Variants in KCNC2 observed in about 807,000 individuals in gnomAD.
KCNC2 encodes voltage-gated potassium channel KCNC2.
KCNC2 carries 21 observed loss-of-function variants against 44.5 expected under a neutral mutation model. That is an observed-to-expected ratio of 0.47 (90% confidence interval 0.33 to 0.68). The LOEUF is 0.68. KCNC2 is among the 30% of genes least tolerant of loss of function. The pLI, the probability that KCNC2 is intolerant of heterozygous loss-of-function variation, is 0.01. For synonymous variants in KCNC2, 391 were observed against 339.1 expected (o/e 1.15, Z -1.68); for missense variants, 589 against 826.2 (o/e 0.71, Z 3.52).
chr12:75,157,072 T>C (rs753512048), intron 2 of KCNC2, among the ~76,000 whole-genome samples: 1 of 151,884 alleles, frequency 6.6e-6, no homozygotes, highest in Non-Finnish European at 1.5e-5. Context: ...TTACAAATAG[T>C]CATTCTCCCT....
Position 75,207,790 on chromosome 12 carries a change from G to A in KCNC2, c.194C>T (p.Pro65Leu). Residue 65 changes from proline to leucine, a missense_variant, in exon 2 of 5, where the codon CCG becomes CTG. Physicochemically the swap from Pro to Leu is moderately conservative, Grantham distance 98. Transcript: ENST00000549446. The surrounding 1 kb of genome is among the most constrained non-coding windows in gnomAD (Gnocchi z 4.1). ...CCCGGGGGACAGCGGGGGCGCTCTC[G>A]GCGGCGGCGACAGTGGAGGCGGCGA... ...QPSPPPLSPPPRAPPLSPGPG... is the reference protein window; with the variant it reads ...QPSPPPLSPPLRAPPLSPGPG... 2 of 1,592,968 alleles carry A rather than the reference G, an allele frequency of 1.3e-6. No individual in the cohort carries two copies. Among genetic ancestry groups the A allele is most frequent in the East Asian group, 2.3e-5 (1 of 43,596 alleles).
intron 2 of KCNC2, among the ~76,000 whole-genome samples, chr12:75,125,381 G>T (rs1249522087): frequency 6.6e-6 from 1 of 152,146 alleles, no homozygotes; most frequent in South Asian, 2.1e-4. Flanking sequence ...TTTGACTTAT[G>T]AACCAATGAT....
intron 2 of KCNC2, among the ~76,000 whole-genome samples, chr12:75,104,221 G>A (rs1886599232): frequency 6.6e-6 from 1 of 152,140 alleles, no homozygotes; most frequent in Non-Finnish European, 1.5e-5. Flanking sequence ...AATGTCAGGA[G>A]CAGACAATGT....
intron 2 of KCNC2, among the ~76,000 whole-genome samples, chr12:75,100,109 T>G (rs1188575811): frequency 1.3e-5 from 2 of 151,906 alleles, no homozygotes; most frequent in South Asian, 2.1e-4. Flanking sequence ...CTATTGGGGT[T>G]CATCATAAGA....
chr12:75,041,453 C>T lies in KCNC2; in HGVS notation c.*1652G>A, dbSNP rs1338494037. ...ATAAAAGTGACAATTGTCTTCCTAA[C>T]AAAAAATAAACATGAGAAATAGGAA... On this transcript the variant is annotated 3_prime_UTR_variant, in exon 5 of 5. Transcript: ENST00000549446. 7 of 1,261,674 alleles carry T rather than the reference C, an allele frequency of 5.5e-6. No individual in the cohort carries two copies. Among genetic ancestry groups the T allele is most frequent in the East Asian group, 3.6e-5 (1 of 27,500 alleles). The allele number at this position is 1,261,674 out of a possible 1,614,324, so 78.2% of individuals were successfully genotyped here.
At chr12:75,162,666 C>T (rs979251472) in intron 2 of KCNC2, among the ~76,000 whole-genome samples, 4 of 151,642 alleles carry the variant, frequency 2.6e-5, no homozygotes, top group Non-Finnish European at 5.9e-5. Flanking sequence ...AGAGGCTTGC[C>T]CTGTGAAGAA....
At chr12:75,182,127 C>T (rs1892626238) in intron 2 of KCNC2, among the ~76,000 whole-genome samples, 1 of 151,540 alleles carries the variant, frequency 6.6e-6, no homozygotes, top group Non-Finnish European at 1.5e-5. Flanking sequence ...CCCAGGTAGT[C>T]TGACTTTCAA....
chr12:75,064,929 A>G (rs1468848663), intron 2 of KCNC2, among the ~76,000 whole-genome samples: 2 of 152,036 alleles, frequency 1.3e-5, no homozygotes, highest in Non-Finnish European at 2.9e-5. Context: ...GTGTACATAT[A>G]CATTCTACTA....
At chr12:75,088,557 C>A (rs975818686) in intron 2 of KCNC2, among the ~76,000 whole-genome samples, 7 of 151,978 alleles carry the variant, frequency 4.6e-5, no homozygotes, top group African/African-American at 1.7e-4. Context: ...AACCATAGAT[C>A]TTAGTTTGTC....
At chr12:75,148,896 G>A (rs1235075510) in intron 2 of KCNC2, among the ~76,000 whole-genome samples, 1 of 151,424 alleles carries the variant, frequency 6.6e-6, no homozygotes, top group East Asian at 1.9e-4. Context: ...TTCCCCATCT[G>A]GAAATGCAAA....
At chr12:75,130,759 A>G (rs1334861535) in intron 2 of KCNC2, among the ~76,000 whole-genome samples, 3 of 150,224 alleles carry the variant, frequency 2.0e-5, no homozygotes, top group Non-Finnish European at 2.9e-5. Flanking sequence ...GTTTTCACAT[A>G]TTGTGAAAGG....
intron 2 of KCNC2, among the ~76,000 whole-genome samples, chr12:75,188,589 C>T (rs776750524): frequency 6.1e-5 from 8 of 131,352 alleles, no homozygotes; most frequent in East Asian, 1.9e-4. Flanking sequence ...TGGCCGGGCG[C>T]GGTGGCTTAC....
intron 2 of KCNC2, among the ~76,000 whole-genome samples, chr12:75,104,541 T>C (rs1886628665): frequency 1.3e-5 from 2 of 152,164 alleles, no homozygotes; most frequent in South Asian, 2.1e-4. Flanking sequence ...TATTAATGAG[T>C]ATATTCAAAT....
At chr12:75,110,636 T>A (rs1257729984) in intron 2 of KCNC2, among the ~76,000 whole-genome samples, 1 of 152,090 alleles carries the variant, frequency 6.6e-6, no homozygotes, top group Admixed American at 6.5e-5. Flanking sequence ...CATAAGTAGA[T>A]CTATATGGAT....
chr12:75,052,477 G>A (rs1185522542), intron 2 of KCNC2, among the ~76,000 whole-genome samples: 1 of 152,130 alleles, frequency 6.6e-6, no homozygotes, highest in Non-Finnish European at 1.5e-5. Flanking sequence ...AGTCAGCAGT[G>A]CTAGAGATCA....
At chr12:75,072,865 C>A (rs1289700023) in intron 2 of KCNC2, among the ~76,000 whole-genome samples, 1 of 152,098 alleles carries the variant, frequency 6.6e-6, no homozygotes, top group Non-Finnish European at 1.5e-5. Context: ...GTCAAAATTG[C>A]CAAATAAATA....
intron 2 of KCNC2, among the ~76,000 whole-genome samples, chr12:75,206,944 A>T (rs1456480762): frequency 6.6e-6 from 1 of 152,210 alleles, no homozygotes; most frequent in Non-Finnish European, 1.5e-5. Flanking sequence ...CTAAAGGAAA[A>T]GTTAGAACAA....
intron 2 of KCNC2, among the ~76,000 whole-genome samples, chr12:75,074,619 G>A (rs1480796515): frequency 6.6e-6 from 1 of 152,092 alleles, no homozygotes; most frequent in Non-Finnish European, 1.5e-5. Context: ...TCAGTGGTTG[G>A]ACATGATCTT....
At chr12:75,056,765 G>T (rs1881787402) in intron 2 of KCNC2, among the ~76,000 whole-genome samples, 1 of 151,928 alleles carries the variant, frequency 6.6e-6, no homozygotes, top group South Asian at 2.1e-4. Flanking sequence ...TGAATTGATG[G>T]TATGTCTGTA....
Sources: gnomAD v4.1 joint callset for allele counts (sites outside exome capture counted in the v4.1 genomes callset) on GRCh38, gnomAD v4.1.1 for gene constraint, Gnocchi (gnomAD v3.1) non-coding constraint, MANE v1.5 for transcripts, NCBI Gene and HGNC (gene_info 2026-07-23, HGNC 2026-07-21) for gene names.